PRKG1: variants seen among roughly 807,000 people sequenced by gnomAD.
PRKG1 encodes the protein cGMP-dependent protein kinase 1.
Under a neutral mutation model 88.1 loss-of-function variants are expected in PRKG1, and 35 were observed. The ratio of observed to expected loss-of-function variants is 0.40; its 90% CI spans 0.30 to 0.53. PRKG1 has a LOEUF of 0.53. Among genes scored for constraint, PRKG1 ranks in the 20% least tolerant of loss-of-function variants. The pLI is 0.59. For synonymous variants in PRKG1, 303 were observed against 292.5 expected, an observed-to-expected ratio of 1.04 and a Z score of -0.37; for missense variants, 540 against 839.8, an observed-to-expected ratio of 0.64 and a Z score of 4.41.
At chr10:51,705,106 A>G (rs1007096659) in intron 3 of PRKG1, among the ~76,000 whole-genome samples, 4 of 151,764 alleles carry the variant, frequency 2.6e-5, no homozygotes, top group African/African-American at 7.3e-5. Context: ...CATGATCTGT[A>G]TTTTTTCACC....
At chr10:51,484,419 G>T (rs1303709341) in intron 3 of PRKG1, among the ~76,000 whole-genome samples, 2 of 151,928 alleles carry the variant, frequency 1.3e-5, no homozygotes, top group Admixed American at 1.3e-4. Context: ...TATGCATTTT[G>T]GGACCGGGTC....
chr10:51,576,070 A>G (rs1432882723), intron 3 of PRKG1, among the ~76,000 whole-genome samples: 1 of 151,944 alleles, frequency 6.6e-6, no homozygotes, highest in African/African-American at 2.4e-5. Context: ...ATCATGAGGT[A>G]GGCTTTGTTT....
chr10:52,163,992 A>T lies in PRKG1; in HGVS notation c.1076+2029A>T, dbSNP rs143651411. Among the ~76,000 whole-genome samples, 602 of 152,274 alleles carry T rather than the reference A, an allele frequency of 4.0e-3. 6 individuals are homozygous for T. The highest frequency in any genetic ancestry group is 0.014 in the African/African-American group (569 of 41,548). On this transcript the variant is annotated intron_variant, in intron 9 of 17. Coordinates refer to ENST00000373980, the MANE Select transcript of PRKG1 (RefSeq NM_006258.4). ...CGCCTAACTCTCAATCTCAGTTTTC[A>T]CATTTTTAAAATGGCGTTTTTGAGA...
At chr10:52,091,153 CT>C (rs1453279594) in intron 7 of PRKG1, among the ~76,000 whole-genome samples, 2 of 152,124 alleles carry the variant, frequency 1.3e-5, no homozygotes, top group Admixed American at 1.3e-4. Context: ...GAAAAATCTG[CT>C]TTTAAGGTCA....
At chr10:51,504,565 A>G (rs1841137945) in intron 3 of PRKG1, among the ~76,000 whole-genome samples, 1 of 152,136 alleles carries the variant, frequency 6.6e-6, no homozygotes, top group African/African-American at 2.4e-5. Flanking sequence ...CTTGGGCAGC[A>G]TGGCCATTGT....
chr10:51,688,485 T>C lies in PRKG1; in HGVS notation c.593-116100T>C, dbSNP rs540057760. On this transcript the variant is annotated intron_variant, in intron 3 of 17. Transcript: ENST00000373980. ...ACCTCAGATAACATTTCCTCAAGGA[T>C]TTTTCTTCCTCTGCCTGAAAAATTT... 5.3e-5 allele frequency among the ~76,000 whole-genome samples: 8 copies of C among 151,976 alleles called. No individual in the cohort carries two copies. In the East Asian group the frequency reaches 1.4e-3, roughly 26 times the overall value.
At chr10:51,566,616 C>G (rs77019319) in intron 3 of PRKG1, among the ~76,000 whole-genome samples, 10,504 of 151,814 alleles carry the variant, frequency 0.069, 1,183 homozygotes, top group African/African-American at 0.24. Context: ...AAGGTTTCTC[C>G]GAGAAGTTGT....
At chr10:51,436,908 A>G (rs1838948261) in intron 2 of PRKG1, among the ~76,000 whole-genome samples, 1 of 152,016 alleles carries the variant, frequency 6.6e-6, no homozygotes, top group Admixed American at 6.6e-5. Flanking sequence ...GCAGTAGCTA[A>G]TTGACTTGCC....
intron 2 of PRKG1, among the ~76,000 whole-genome samples, chr10:51,440,036 C>G (rs763749700): frequency 2.6e-5 from 4 of 151,694 alleles, no homozygotes; most frequent in African/African-American, 4.8e-5. Flanking sequence ...TGAAACTACC[C>G]AGGATATATG....
rs566265096 is a variant in PRKG1 at position 52,233,483 on chromosome 10, G to T, written c.1077-18087G>T. Among the ~76,000 whole-genome samples the T allele has an allele frequency of 3.4e-5, 5 of 148,740 alleles. No homozygotes were observed. In the East Asian group the frequency reaches 1.0e-3, roughly 30 times the overall value. ...CACCGTGCGCGAGCCGAAGCAGGGC[G>T]AGGCATTGCCTCACCTGGGAAGCGC... On this transcript the variant is annotated intron_variant, in intron 9 of 17. Coordinates refer to ENST00000373980, the MANE Select transcript of PRKG1 (RefSeq NM_006258.4).
At chr10:51,903,796 A>G (rs1238062972) in intron 4 of PRKG1, among the ~76,000 whole-genome samples, 1 of 152,138 alleles carries the variant, frequency 6.6e-6, no homozygotes, top group African/African-American at 2.4e-5. Context: ...TAGCTCAGTG[A>G]GTAAGCAATC....
At chr10:51,410,082 G>A (rs1365849637) in intron 2 of PRKG1, among the ~76,000 whole-genome samples, 1 of 151,774 alleles carries the variant, frequency 6.6e-6, no homozygotes, top group East Asian at 1.9e-4. Context: ...AACTTTTCCT[G>A]TTCTGACCCC....
At chr10:51,508,795 C>G (rs922693708) in intron 3 of PRKG1, among the ~76,000 whole-genome samples, 4 of 152,046 alleles carry the variant, frequency 2.6e-5, no homozygotes, top group African/African-American at 7.2e-5. Flanking sequence ...CCAAACTGAC[C>G]AAATTAGAAG....
At chr10:51,176,672 G>C (rs1837203487) in intron 2 of PRKG1, among the ~76,000 whole-genome samples, 1 of 152,058 alleles carries the variant, frequency 6.6e-6, no homozygotes, top group Non-Finnish European at 1.5e-5. Flanking sequence ...TTTCTAAAGT[G>C]GTGACAGGGA....
chr10:51,160,301 A>G (rs985877872), intron 2 of PRKG1, among the ~76,000 whole-genome samples: 2 of 152,132 alleles, frequency 1.3e-5, no homozygotes, highest in African/African-American at 4.8e-5. Flanking sequence ...GTTCCATTGT[A>G]TAACCCAATT....
At chr10:51,450,450 C>T (rs293264) in intron 2 of PRKG1, among the ~76,000 whole-genome samples, 53,149 of 151,680 alleles carry the variant, frequency 0.35, 10,571 homozygotes, top group African/African-American at 0.51. Context: ...GCAAACCGTA[C>T]GGCCAGGGAG....
chr10:51,464,890 CAAAAAAAAAAAA>C (rs11316369), intron 2 of PRKG1, among the ~76,000 whole-genome samples: 1 of 88,164 alleles, frequency 1.1e-5, no homozygotes, highest in East Asian at 3.5e-4. Context: ...GACTCCGTCT[CAAAAAAAAAAAA>C]AAAAAAAAGA....
chr10:51,540,525 G>T (rs1842273672), intron 3 of PRKG1, among the ~76,000 whole-genome samples: 1 of 151,998 alleles, frequency 6.6e-6, no homozygotes, highest in South Asian at 2.1e-4. Flanking sequence ...AAATTAGATA[G>T]ATAATAGATA....
At chr10:51,110,797 G>T (rs1228434219) in intron 1 of PRKG1, among the ~76,000 whole-genome samples, 2 of 152,060 alleles carry the variant, frequency 1.3e-5, no homozygotes, top group Non-Finnish European at 2.9e-5. Context: ...TGAACTGTGA[G>T]GGAGAGGATG....
Sources: gnomAD v4.1 joint callset for allele counts (sites outside exome capture counted in the v4.1 genomes callset) on GRCh38, gnomAD v4.1.1 for gene constraint, MANE v1.5 for transcripts, NCBI Gene and HGNC (gene_info 2026-07-23, HGNC 2026-07-21) for gene names.